The following GPC5 variants were observed in gnomAD, a reference collection of about 807,000 sequenced individuals.
The protein encoded by GPC5 is glypican 5.
GPC5 carries 47 observed loss-of-function variants against 53.9 expected under a neutral mutation model. That is an observed-to-expected ratio of 0.87 (90% CI 0.69 to 1.11). The LOEUF is 1.11. GPC5 is among the 50% of genes most tolerant of loss of function. The probability of loss-of-function intolerance (pLI) is 0.00; values close to 1 mark genes in which losing one functional copy is unlikely to be tolerated. For missense variants in GPC5, 748 were observed against 713.1 expected, an observed-to-expected ratio of 1.05 and a Z score of -0.56; for synonymous variants, 286 against 263.3, an observed-to-expected ratio of 1.09 and a Z score of -0.84.
Position 91,693,632 on chromosome 13 carries a change from C to T in GPC5, c.771C>T (p.Tyr257=). 1.2e-6 allele frequency: 2 copies of T among 1,614,126 alleles called. No homozygotes were observed. The highest frequency in any genetic ancestry group is 1.7e-6 in the Non-Finnish European group (2 of 1,180,000). Residue 257 remains tyrosine (Y), a synonymous_variant, in exon 3 of 8, where the codon TAC becomes TAT. Transcript: ENST00000377067. ...GCAGAGCCCTCCTGAAGATGCAATACTGCCCGCACTGCCAAGGCCTGGCGC... is the reference window on the plus strand; with the variant it reads ...GCAGAGCCCTCCTGAAGATGCAATATTGCCCGCACTGCCAAGGCCTGGCGC... ...ECSRALLKMQ[Y]CPHCQGLALT...
intron 6 of GPC5, among the ~76,000 whole-genome samples, chr13:92,107,137 G>T (rs2041516630): frequency 6.6e-6 from 1 of 151,970 alleles, no homozygotes; most frequent in Admixed American, 6.6e-5. Flanking sequence ...TTCAGTTGGT[G>T]ACAGTGTCAG....
Position 91,979,671 on chromosome 13 carries a change from G to A in GPC5, c.1401+71614G>A, listed in dbSNP as rs187196429. 7.1e-3 allele frequency among the ~76,000 whole-genome samples: 1,078 copies of A among 152,188 alleles called. 5 individuals are homozygous for A. The highest frequency in any genetic ancestry group is 0.013 in the Non-Finnish European group (871 of 67,998). ...AATTCAGACATGATCATATTCCTGC[G>A]GCTCCTCTGTGGGAGCTGGGTTAAA... On this transcript the variant is annotated intron_variant, in intron 6 of 7. Coordinates refer to ENST00000377067, the MANE Select transcript of GPC5 (RefSeq NM_004466.6).
At chr13:91,509,512 A>G (rs901036468) in intron 2 of GPC5, among the ~76,000 whole-genome samples, 4 of 151,542 alleles carry the variant, frequency 2.6e-5, no homozygotes, top group African/African-American at 7.2e-5. Flanking sequence ...GATATTCATG[A>G]AAAGTTGATG....
chr13:91,805,874 TGGCTTTGCAA>T (rs1471094202), intron 5 of GPC5, among the ~76,000 whole-genome samples: 1 of 152,186 alleles, frequency 6.6e-6, no homozygotes, highest in Non-Finnish European at 1.5e-5. Context: ...GAGTTTTGTT[TGGCTTTGCAA>T]GCTCAAGCAA....
At chr13:92,402,279 G>A (rs377670129) in intron 7 of GPC5, among the ~76,000 whole-genome samples, 27 of 152,158 alleles carry the variant, frequency 1.8e-4, no homozygotes, top group African/African-American at 5.8e-4. Flanking sequence ...ACAAAATAGC[G>A]TGTATACACC....
At chr13:92,572,469 C>A (rs1390657513) in intron 7 of GPC5, among the ~76,000 whole-genome samples, 1 of 152,080 alleles carries the variant, frequency 6.6e-6, no homozygotes, top group African/African-American at 2.4e-5. Context: ...AGATGGATAC[C>A]GCTGTGGTGA....
intron 7 of GPC5, among the ~76,000 whole-genome samples, chr13:92,326,563 A>G (rs997626206): frequency 1.3e-5 from 2 of 152,086 alleles, no homozygotes; most frequent in Non-Finnish European, 2.9e-5. Flanking sequence ...CTGCAACATC[A>G]ATGGTTTGGA....
intron 6 of GPC5, among the ~76,000 whole-genome samples, chr13:91,980,241 C>A (rs1361679348): frequency 6.6e-6 from 1 of 152,112 alleles, no homozygotes; most frequent in Non-Finnish European, 1.5e-5. Context: ...AGAATTAGTG[C>A]ATATGGTGTC....
chr13:92,236,187 T>C (rs1341733284), intron 7 of GPC5, among the ~76,000 whole-genome samples: 2 of 152,102 alleles, frequency 1.3e-5, no homozygotes, highest in African/African-American at 4.8e-5. Context: ...TATTTCTTAC[T>C]AAGACTGCAT....
intron 7 of GPC5, among the ~76,000 whole-genome samples, chr13:92,460,259 TAAA>T (rs1041225890): frequency 4.6e-5 from 7 of 152,184 alleles, no homozygotes; most frequent in African/African-American, 1.7e-4. Flanking sequence ...ACAGTGTTGT[TAAA>T]AACTAATATG....
chr13:91,713,934 C>T (rs1192092401), intron 3 of GPC5, among the ~76,000 whole-genome samples: 1 of 152,130 alleles, frequency 6.6e-6, no homozygotes, highest in Non-Finnish European at 1.5e-5. Context: ...TTAGTCTAAT[C>T]TCATCCAGTC....
chr13:92,259,073 G>A (rs1250529650), intron 7 of GPC5, among the ~76,000 whole-genome samples: 4 of 152,148 alleles, frequency 2.6e-5, no homozygotes, highest in Non-Finnish European at 5.9e-5. Context: ...TTGACAATAT[G>A]TCTCCAGCAA....
intron 7 of GPC5, among the ~76,000 whole-genome samples, chr13:92,820,796 G>C (rs989236): frequency 6.6e-6 from 1 of 151,914 alleles, no homozygotes; most frequent in South Asian, 2.1e-4. Context: ...ATGTTGAGTA[G>C]TTTCTATAAA....
chr13:92,259,492 A>G (rs16947178), intron 7 of GPC5, among the ~76,000 whole-genome samples: 17,458 of 152,194 alleles, frequency 0.11, 1,026 homozygotes, highest in East Asian at 0.18. Context: ...TTGGATAATA[A>G]AATTCCTTCA....
At chr13:92,445,222 CAA>C (rs1490113574) in intron 7 of GPC5, among the ~76,000 whole-genome samples, 1 of 150,216 alleles carries the variant, frequency 6.7e-6, no homozygotes, top group African/African-American at 2.4e-5. Flanking sequence ...TCTCTCCTCT[CAA>C]GAGATGTATA....
At chr13:92,711,869 A>G (rs1469982742) in intron 7 of GPC5, among the ~76,000 whole-genome samples, 1 of 152,064 alleles carries the variant, frequency 6.6e-6, no homozygotes, top group Non-Finnish European at 1.5e-5. Context: ...TAGTAATTAC[A>G]TTGAACTTAA....
chr13:92,370,166 G>A (rs1343325850), intron 7 of GPC5, among the ~76,000 whole-genome samples: 1 of 152,180 alleles, frequency 6.6e-6, no homozygotes, highest in Non-Finnish European at 1.5e-5. Flanking sequence ...ATATCTGCAA[G>A]GTCAATGTTT....
intron 7 of GPC5, among the ~76,000 whole-genome samples, chr13:92,807,352 G>A (rs1367677915): frequency 6.6e-6 from 1 of 152,050 alleles, no homozygotes; most frequent in Non-Finnish European, 1.5e-5. Context: ...ATGGCCATCT[G>A]TGTAGCTTGT....
rs539176350 is a variant in GPC5 at position 92,321,313 on chromosome 13, G to T, written c.1561+176324G>T. Among the ~76,000 whole-genome samples, 3 of 152,328 alleles carry T rather than the reference G, an allele frequency of 2.0e-5. No homozygotes were observed. In the South Asian group the frequency reaches 6.2e-4, roughly 32 times the overall value. On this transcript the variant is annotated intron_variant, in intron 7 of 7. Coordinates refer to ENST00000377067, the MANE Select transcript of GPC5 (RefSeq NM_004466.6). ...AAGATGAGTCTAAAATAGAATTATT[G>T]CCAGGCACGGTGGCTGACGCCTGTA...
Sources: allele counts gnomAD v4.1 joint callset (sites outside exome capture counted in the v4.1 genomes callset), GRCh38; gene constraint gnomAD v4.1.1; transcripts MANE v1.5; gene names NCBI Gene and HGNC (gene_info 2026-07-23, HGNC 2026-07-21).